The following PLIN4 variants were observed in gnomAD, a reference collection of about 807,000 sequenced individuals.
PLIN4 encodes the protein perilipin 4.
PLIN4 carries 57 observed loss-of-function variants against 52.4 expected under a neutral mutation model. That is an observed-to-expected ratio of 1.09 (90% CI 0.88 to 1.36). PLIN4 has a LOEUF of 1.36. Among genes scored for constraint, PLIN4 ranks in the 40% most tolerant of loss-of-function variants. PLIN4 has a pLI of 0.00. For missense variants in PLIN4, 1,757 were observed against 1,770.3 expected (o/e 0.99, Z 0.13); for synonymous variants, 826 against 785.4 (o/e 1.05, Z -0.86).
In PLIN4 at chr19:4,504,708, G is replaced by A. The variant is rs1228427586; in HGVS notation, c.3867C>T (p.Ser1289=). ...GCTCGGCGGGCAGGCCCTGGAGGCT[G>A]GAGACCAGGCCACTGTAGGCCGTGT... The part of the protein sequence containing the change: ...QLHTAYSGLV[S]SLQGLPAELQ... Residue 1289 remains serine, a synonymous_variant, in exon 8 of 8, where the codon TCC becomes TCT. Transcript: ENST00000301286. The A allele has an allele frequency of 5.6e-6, 9 of 1,601,658 alleles. No individual in the cohort carries two copies. Among genetic ancestry groups the A allele is most frequent in the Non-Finnish European group, 5.1e-6 (6 of 1,177,882 alleles).
rs1471067313 is a variant in PLIN4, at chr19:4,518,395, G to C, written c.-28C>G. On this transcript the variant is annotated 5_prime_UTR_variant, in exon 1 of 8. Coordinates refer to ENST00000301286, the MANE Select transcript of PLIN4 (RefSeq NM_001367868.2). ...CAGCCCGACACCCACCTGCAGGCCT[G>C]GCCTCACCCTGGTGTCACCGAAGCA... The C allele has an allele frequency of 1.6e-6, 2 of 1,230,770 alleles. No individual in the cohort carries two copies. Among genetic ancestry groups the C allele is most frequent in the Non-Finnish European group, 2.0e-6 (2 of 987,544 alleles). The allele number at this position is 1,230,770 out of a possible 1,614,324, so 76.2% of individuals were successfully genotyped here.
rs369856121 is a variant in PLIN4, at chr19:4,510,433, G to A, written c.3514+13C>T. 2.9e-6 allele frequency: 4 copies of A among 1,401,064 alleles called. No individual in the cohort carries two copies. In the African/African-American group the frequency reaches 4.4e-5, roughly 15 times the overall value. The allele number at this position is 1,401,064 out of a possible 1,614,324, so 86.8% of individuals were successfully genotyped here. On this transcript the variant is annotated intron_variant, in intron 5 of 7. Transcript: ENST00000301286. Reference sequence around the variant, plus strand: ...CCTGCCTCAGGGACCCATGAACCCAGGCGTCCCCTCACCTTGCTCCTCCGC... The same window carrying A: ...CCTGCCTCAGGGACCCATGAACCCAAGCGTCCCCTCACCTTGCTCCTCCGC...
chr19:4,515,798 T>C (rs918175872), intron 4 of PLIN4, among the ~76,000 whole-genome samples: 4 of 152,156 alleles, frequency 2.6e-5, no homozygotes, highest in Non-Finnish European at 5.9e-5. Context: ...GCCCGGAAAT[T>C]GTATTCTCAG....
chr19:4,512,298 C>T lies in PLIN4; in HGVS notation c.1662G>A (p.Leu554=), dbSNP rs1331321173. The T allele has an allele frequency of 3.1e-6, 5 of 1,610,572 alleles. No homozygotes were observed. The highest frequency in any genetic ancestry group is 4.2e-6 in the Non-Finnish European group (5 of 1,179,164). Reference sequence around the variant, plus strand: ...CTATGACCACAGACTTGGTGGTGTCCAGGCCCCCCTGGACGGCCCCTTTGG... The same window carrying T: ...CTATGACCACAGACTTGGTGGTGTCTAGGCCCCCCTGGACGGCCCCTTTGG... ...NVAKGAVQGG[L]DTTKSVVIGT... is the part of the protein sequence containing the mutation. Residue 554 remains leucine (L), a synonymous_variant, in exon 5 of 8, where the codon CTG becomes CTA. Coordinates refer to ENST00000301286, the MANE Select transcript of PLIN4 (RefSeq NM_001367868.2).
At chr19:4,517,723 G>A (rs781463548) in intron 2 of PLIN4, 25 bp from the exon 3 acceptor site, 4 of 1,564,936 alleles carry the variant, frequency 2.6e-6, no homozygotes. Flanking sequence ...GGGGTGTGCA[G>A]GATGAGCAGG....
chr19:4,517,172 G>T lies in PLIN4; in HGVS notation c.196+382C>A, dbSNP rs545733051. On this transcript the variant is annotated intron_variant, in intron 3 of 7. Coordinates refer to ENST00000301286, the MANE Select transcript of PLIN4 (RefSeq NM_001367868.2). The stretch of plus-strand genomic sequence containing the variant: ...AAGCTGAGCCACAGGAGGCTGGGGA[G>T]CCCCTGGGCTGTGTGACCCCAGGGG... 2.0e-3 allele frequency among the ~76,000 whole-genome samples: 298 copies of T among 152,276 alleles called. 1 individual carries two copies. Among genetic ancestry groups the T allele is most frequent in the African/African-American group, 6.6e-3 (273 of 41,572 alleles).
intron 6 of PLIN4, among the ~76,000 whole-genome samples, chr19:4,507,573 C>T (rs1976132312): frequency 6.6e-6 from 1 of 152,140 alleles, no homozygotes; most frequent in South Asian, 2.1e-4. Context: ...GCCAGTTGTC[C>T]AGCTGCTTGG....
intron 6 of PLIN4, among the ~76,000 whole-genome samples, chr19:4,508,560 C>T (rs575309025): frequency 6.6e-6 from 1 of 152,242 alleles, no homozygotes; most frequent in Admixed American, 6.5e-5. Context: ...AGCCACCGCA[C>T]CCAGCCTACC....
intron 6 of PLIN4, among the ~76,000 whole-genome samples, chr19:4,508,446 T>C (rs1330265227): frequency 1.3e-5 from 2 of 152,274 alleles, no homozygotes; most frequent in South Asian, 2.1e-4. Context: ...TTTGTATTTT[T>C]AGTAGAGACG....
chr19:4,512,818 G>GC lies in PLIN4; in HGVS notation c.1141dup (p.Ala381GlyfsTer119). The GC allele has an allele frequency of 6.4e-7, 1 of 1,564,062 alleles. No homozygotes were observed. ...CAGGCCCCCCTGGATGGCCTCTTTG[G>GC]CCAAGTTCACGGCACCGGTCACCCC... On this transcript the variant is annotated frameshift_variant, in exon 5 of 8. Coordinates refer to ENST00000301286, the MANE Select transcript of PLIN4 (RefSeq NM_001367868.2). LOFTEE classifies it high-confidence loss of function.
chr19:4,512,686 G>T lies in PLIN4; in HGVS notation c.1274C>A (p.Thr425Asn), dbSNP rs748348808. The T allele has an allele frequency of 2.0e-6, 3 of 1,531,052 alleles. No individual in the cohort carries two copies. The highest frequency in any genetic ancestry group is 1.8e-5 in the Admixed American group (1 of 55,850). 94.8% of individuals were successfully genotyped at this position (1,531,052 alleles called of 1,614,324 possible). A position where few individuals can be genotyped will look rare whatever the true frequency, so the allele number is the denominator to read the frequency against. The change falls in exon 5 of 8, where the codon ACC becomes AAC. Residue 425 changes from threonine to asparagine, a missense_variant. Thr to Asn is a moderately conservative substitution (Grantham distance 65). Transcript: ENST00000301286. ...KGAMQTGLNTTQNIATGTKDT... is the reference protein window; with the variant it reads ...KGAMQTGLNTNQNIATGTKDT... ...CTTTGTACCTGTTGCGATATTTTGG[G>T]TTGTGTTCAGCCCAGTTTGCATGGC...
chr19:4,513,374 T>G lies in PLIN4; in HGVS notation c.586A>C (p.Thr196Pro), dbSNP rs866358492. The stretch of plus-strand genomic sequence containing the variant: ...GTGTCTTTGGTGCCGGTCAGCACAG[T>G]CTTGGTGGTGTCCACACCGGCCTGT... ...TVQAGVDTTK[T>P]VLTGTKDTVT... is the part of the protein sequence containing the mutation. The change falls in exon 5 of 8, where the codon ACT (threonine) becomes CCT (proline). Residue 196 changes from threonine to proline, a missense_variant. By Grantham distance (38) the Thr-to-Pro change is conservative. Transcript: ENST00000301286. 5 of 1,613,322 alleles carry G rather than the reference T, an allele frequency of 3.1e-6. No homozygotes were observed. The highest frequency in any genetic ancestry group is 3.4e-6 in the Non-Finnish European group (4 of 1,179,818).
chr19:4,514,419 G>A (rs894808513), intron 4 of PLIN4, among the ~76,000 whole-genome samples: 1 of 152,086 alleles, frequency 6.6e-6, no homozygotes, highest in African/African-American at 2.4e-5. Flanking sequence ...CTGTACTCCA[G>A]CCTGGGCAAC....
intron 6 of PLIN4, 26 bp downstream of exon 6, chr19:4,508,742 G>C (rs1385989865): frequency 2.6e-6 from 4 of 1,553,356 alleles, no homozygotes; most frequent in Admixed American, 3.9e-5. Flanking sequence ...CCTGGGGACG[G>C]GGCAGCAGCA....
chr19:4,516,738 C>T, intron 3 of PLIN4, 60 bp from the exon 4 acceptor site: 1 of 1,454,690 alleles, frequency 6.9e-7, no homozygotes, highest in Non-Finnish European at 9.2e-7. Context: ...ATCTACCCGG[C>T]TGCCCATTGC....
intron 6 of PLIN4, 90 bp downstream of exon 6, chr19:4,508,678 G>A: frequency 1.5e-6 from 2 of 1,339,874 alleles, no homozygotes; most frequent in Non-Finnish European, 1.0e-6. Flanking sequence ...TCTCCTAGGT[G>A]CTCAGTCAGT....
Position 4,510,785 on chromosome 19 carries a change from T to TA in PLIN4, c.3174dup (p.Thr1059TyrfsTer61), listed in dbSNP as rs1265848878. On this transcript the variant is annotated frameshift_variant, in exon 5 of 8. Transcript: ENST00000301286. LOFTEE classifies it high-confidence loss of function. ...AGTCCACCCCAGGAGGTGGCGGGGG[T>TA]ACTAGGTAACCAGTTCTGGAAGGTG... is the stretch of plus-strand genomic sequence containing the variant. The TA allele has an allele frequency of 3.8e-6, 6 of 1,588,800 alleles. No individual in the cohort carries two copies. Among genetic ancestry groups the TA allele is most frequent in the African/African-American group, 1.3e-5 (1 of 74,226 alleles).
Position 4,513,310 on chromosome 19 carries a change from T to C in PLIN4, c.650A>G (p.Lys217Arg). The change falls in exon 5 of 8, where the codon AAA becomes AGA. Residue 217 changes from lysine to arginine, a missense_variant. Coordinates refer to ENST00000301286, the MANE Select transcript of PLIN4 (RefSeq NM_001367868.2). Reference protein sequence around the residue: ...TGVMGAVNLAKGTVQTGVETS... With the variant: ...TGVMGAVNLARGTVQTGVETS... ...TTCCACGCCAGTCTGGACAGTCCCT[T>C]TGGCCAAGTTCACTGCCCCCATGAC... 6.2e-7 allele frequency: 1 copy of C among 1,613,386 alleles called. No individual in the cohort carries two copies. Among genetic ancestry groups the C allele is most frequent in the Non-Finnish European group, 8.5e-7 (1 of 1,179,780 alleles).
chr19:4,507,797 G>A (rs971627382), intron 6 of PLIN4, among the ~76,000 whole-genome samples: 2 of 152,114 alleles, frequency 1.3e-5, no homozygotes, highest in Non-Finnish European at 2.9e-5. Context: ...GGGACGGGGA[G>A]ACTGGAGGCC....
Sources: gnomAD v4.1 joint callset for allele counts (sites outside exome capture counted in the v4.1 genomes callset) on GRCh38, gnomAD v4.1.1 for gene constraint, MANE v1.5 for transcripts, NCBI Gene and HGNC (gene_info 2026-07-23, HGNC 2026-07-21) for gene names.